The following LINGO2 variants were observed in gnomAD, a reference collection of about 807,000 sequenced individuals.
LINGO2 encodes the protein leucine-rich repeat and immunoglobulin-like domain-containing nogo receptor-interacting protein 2.
Under a neutral mutation model 30.6 loss-of-function variants are expected in LINGO2, and 14 were observed. That is an observed-to-expected ratio of 0.46 (90% CI 0.30 to 0.72). The LOEUF is 0.72. Among genes scored for constraint, LINGO2 ranks in the 30% least tolerant of loss-of-function variants. LINGO2 has a pLI of 0.07. For synonymous variants in LINGO2, 317 were observed against 288.5 expected, an observed-to-expected ratio of 1.10 and a Z score of -1.00; for missense variants, 729 against 751.7, an observed-to-expected ratio of 0.97 and a Z score of 0.35.
At chr9:28,551,836 C>T (rs1822301101) in intron 1 of LINGO2, among the ~76,000 whole-genome samples, 1 of 152,016 alleles carries the variant, frequency 6.6e-6, no homozygotes, top group South Asian at 2.1e-4. Flanking sequence ...ACACGTGTGT[C>T]CTCAGCCTCT....
At chr9:29,027,822 T>A in the LINGO2 span, among the ~76,000 whole-genome samples, 14 of 152,192 alleles carry the variant, frequency 9.2e-5, no homozygotes, top group Non-Finnish European at 2.1e-4. Flanking sequence ...CCCTAAACTT[T>A]ACTTTTCCAT....
intron 4 of LINGO2, among the ~76,000 whole-genome samples, chr9:28,054,814 TAA>T (rs1324074152): frequency 2.0e-5 from 3 of 152,146 alleles, no homozygotes; most frequent in African/African-American, 7.2e-5. Flanking sequence ...AATATTTCCT[TAA>T]GTTTACTATA....
At chr9:28,673,667 G>GATCATCATCATCATCATC (rs139919509), upstream of LINGO2, among the ~76,000 whole-genome samples, 9 of 147,060 alleles carry the variant, frequency 6.1e-5, no homozygotes, top group South Asian at 2.2e-4. Context: ...ACTCTGTCTC[G>GATCATCATCATCATCATC]ATCATCATCA....
the LINGO2 span, among the ~76,000 whole-genome samples, chr9:28,982,967 T>C: frequency 9.4e-3 from 1,422 of 152,008 alleles, 30 homozygotes; most frequent in African/African-American, 0.032. Flanking sequence ...GACTGACAAT[T>C]CATTTGGTTG....
intron 4 of LINGO2, among the ~76,000 whole-genome samples, chr9:28,027,292 A>C (rs1223465221): frequency 6.6e-6 from 1 of 152,156 alleles, no homozygotes; most frequent in Non-Finnish European, 1.5e-5. Context: ...ATAGAGAAGT[A>C]ACTTGTCCAA....
At chr9:29,203,741 C>T in the LINGO2 span, among the ~76,000 whole-genome samples, 1,512 of 152,254 alleles carry the variant, frequency 9.9e-3, 34 homozygotes, top group African/African-American at 0.034. Flanking sequence ...ATCCTCTTGC[C>T]TATTATCCAC....
intron 4 of LINGO2, among the ~76,000 whole-genome samples, chr9:28,132,678 G>A (rs1356871604): frequency 6.6e-6 from 1 of 152,208 alleles, no homozygotes; most frequent in Non-Finnish European, 1.5e-5. Flanking sequence ...AGGTTCAAAT[G>A]TAATAAAACT....
intron 4 of LINGO2, among the ~76,000 whole-genome samples, chr9:28,190,061 T>A (rs570040320): frequency 6.6e-6 from 1 of 152,240 alleles, no homozygotes; most frequent in East Asian, 1.9e-4. Context: ...GTGTTGTAAG[T>A]TCTTTAAACG....
intron 3 of LINGO2, among the ~76,000 whole-genome samples, chr9:28,368,745 C>T (rs1210824072): frequency 6.6e-6 from 1 of 151,762 alleles, no homozygotes; most frequent in Non-Finnish European, 1.5e-5. Flanking sequence ...TACAGGCGCC[C>T]GCCACCACGC....
chr9:28,820,808 C>T, the LINGO2 span, among the ~76,000 whole-genome samples: 1 of 152,160 alleles, frequency 6.6e-6, no homozygotes, highest in African/African-American at 2.4e-5. Flanking sequence ...TGTGAATATT[C>T]AGTGAAGGCC....
intron 1 of LINGO2, among the ~76,000 whole-genome samples, chr9:28,644,362 A>C (rs1235334080): frequency 1.3e-5 from 2 of 152,046 alleles, no homozygotes; most frequent in African/African-American, 4.8e-5. Flanking sequence ...TTCAGCCATA[A>C]AAAAGAATGA....
At chr9:28,841,290 T>G in the LINGO2 span, among the ~76,000 whole-genome samples, 2 of 151,668 alleles carry the variant, frequency 1.3e-5, no homozygotes, top group Admixed American at 1.3e-4. Flanking sequence ...GAATAAGAGC[T>G]CAAAAATTAT....
chr9:28,785,507 T>G, the LINGO2 span, among the ~76,000 whole-genome samples: 48 of 152,328 alleles, frequency 3.2e-4, no homozygotes, highest in African/African-American at 1.1e-3. Context: ...AATTATTTTC[T>G]CCTCTCACTA....
intron 1 of LINGO2, among the ~76,000 whole-genome samples, chr9:28,633,073 A>G (rs1827077633): frequency 6.6e-6 from 1 of 151,584 alleles, no homozygotes; most frequent in Non-Finnish European, 1.5e-5. Context: ...CATAGGAGAA[A>G]GATGTAGACT....
chr9:29,046,501 TC>T, the LINGO2 span, among the ~76,000 whole-genome samples: 1 of 151,916 alleles, frequency 6.6e-6, no homozygotes, highest in African/African-American at 2.4e-5. Context: ...GGGGAAAGAC[TC>T]CCTAATCAAT....
the LINGO2 span, among the ~76,000 whole-genome samples, chr9:29,145,110 A>G: frequency 6.6e-6 from 1 of 152,124 alleles, no homozygotes; most frequent in Admixed American, 6.6e-5. Flanking sequence ...TTTCTAGATA[A>G]TTTACATGAA....
chr9:28,312,375 G>C (rs1278369051), intron 3 of LINGO2, among the ~76,000 whole-genome samples: 1 of 151,880 alleles, frequency 6.6e-6, no homozygotes, highest in Admixed American at 6.6e-5. Flanking sequence ...GTAATAGAGA[G>C]AGGGTGGTCA....
chr9:28,581,175 TA>T (rs1304319416), intron 1 of LINGO2, among the ~76,000 whole-genome samples: 2 of 151,956 alleles, frequency 1.3e-5, no homozygotes, highest in Non-Finnish European at 2.9e-5. Flanking sequence ...TTTTGTTGGT[TA>T]GAGTCCATCT....
At chr9:28,887,268 T>C in the LINGO2 span, among the ~76,000 whole-genome samples, 1 of 151,956 alleles carries the variant, frequency 6.6e-6, no homozygotes, top group Non-Finnish European at 1.5e-5. Context: ...GGAAAAAAAT[T>C]GAAAGGATTT....
Sources: allele counts gnomAD v4.1 joint callset (sites outside exome capture counted in the v4.1 genomes callset), GRCh38; gene constraint gnomAD v4.1.1; transcripts MANE v1.5; gene names NCBI Gene and HGNC (gene_info 2026-07-23, HGNC 2026-07-21).